Variants in CCDC175 observed in about 807,000 individuals in gnomAD.
CCDC175 encodes coiled-coil domain containing 175.
A neutral mutation model predicts 114.6 loss-of-function variants in CCDC175; 100 were observed. The ratio of observed to expected loss-of-function variants is 0.87; its 90% CI spans 0.74 to 1.03. The LOEUF (loss-of-function observed/expected upper bound fraction) is 1.03. CCDC175 is among the 50% of genes least tolerant of loss of function. The pLI is 0.00. For missense variants in CCDC175, 880 were observed against 917.8 expected, an observed-to-expected ratio of 0.96 and a Z score of 0.53; for synonymous variants, 306 against 308.7, an observed-to-expected ratio of 0.99 and a Z score of 0.09.
In CCDC175 at chr14:59,505,300, A is replaced by G; in HGVS notation, c.2321T>C (p.Ile774Thr). The stretch of plus-strand genomic sequence containing the variant: ...CACTGGGAAATGAACCCTTGTACGA[A>G]TGTGTTTCTTCTTCTCTGTAGGAAT... ...PMDLLKKKKH[I>T]RTRVHFPVVK... The change falls in exon 20 of 20, where the codon ATT (isoleucine) becomes ACT (threonine). Residue 774 changes from isoleucine to threonine, a missense_variant. Transcript: ENST00000537690. 1 of 1,497,916 alleles carries G rather than the reference A, an allele frequency of 6.7e-7. No individual in the cohort carries two copies. The highest frequency in any genetic ancestry group is 8.9e-7 in the Non-Finnish European group (1 of 1,119,854). 92.8% of individuals were successfully genotyped at this position (1,497,916 alleles called of 1,614,324 possible). A position where few individuals can be genotyped will look rare whatever the true frequency, so the allele number is the denominator to read the frequency against.
chr14:59,536,266 C>A (rs757296804), intron 13 of CCDC175, among the ~76,000 whole-genome samples: 2 of 152,070 alleles, frequency 1.3e-5, no homozygotes, highest in South Asian at 4.1e-4. Context: ...CCGGAGCCAT[C>A]TCCTGCAGAC....
intron 18 of CCDC175, among the ~76,000 whole-genome samples, chr14:59,511,462 G>A (rs1892737916): frequency 7.1e-6 from 1 of 141,576 alleles, no homozygotes; most frequent in Non-Finnish European, 1.5e-5. Flanking sequence ...TTTGGGGCAT[G>A]CAAAAAACAG....
At chr14:59,526,955 T>C (rs755565897) in intron 15 of CCDC175, 140 bp downstream of exon 15, 43 of 528,938 alleles carry the variant, frequency 8.1e-5, no homozygotes, top group Non-Finnish European at 1.0e-4. Flanking sequence ...ATAACAAAGA[T>C]TGTTAAACAT....
At chr14:59,516,462 C>T (rs1022343382) in intron 17 of CCDC175, among the ~76,000 whole-genome samples, 31 of 152,116 alleles carry the variant, frequency 2.0e-4, no homozygotes, top group Non-Finnish European at 3.4e-4. Flanking sequence ...ATCAAATAGA[C>T]GCAATAAAAA....
chr14:59,554,847 A>T (rs1040406076), intron 7 of CCDC175, among the ~76,000 whole-genome samples: 1 of 152,154 alleles, frequency 6.6e-6, no homozygotes, highest in Non-Finnish European at 1.5e-5. Context: ...CCTCTACGCA[A>T]ATAAACTAGA....
At chr14:59,563,089 G>A (rs187645681) in intron 6 of CCDC175, among the ~76,000 whole-genome samples, 450 of 152,260 alleles carry the variant, frequency 3.0e-3, no homozygotes, top group African/African-American at 0.01. Context: ...GTGATAAGAA[G>A]TTAACAGGCA....
chr14:59,568,090 C>G (rs953872610), intron 4 of CCDC175, among the ~76,000 whole-genome samples, 155 bp downstream of exon 4: 1 of 152,182 alleles, frequency 6.6e-6, no homozygotes, highest in Non-Finnish European at 1.5e-5. Flanking sequence ...CACCACCTTC[C>G]CTACCCCATC....
At chr14:59,523,419 T>C (rs1460248028) in intron 16 of CCDC175, among the ~76,000 whole-genome samples, 2 of 152,238 alleles carry the variant, frequency 1.3e-5, no homozygotes, top group African/African-American at 4.8e-5. Flanking sequence ...ATTTTCTTCA[T>C]GCCATTGGAC....
chr14:59,537,938 A>T, intron 13 of CCDC175, 85 bp downstream of exon 13: 1 of 887,266 alleles, frequency 1.1e-6, no homozygotes, highest in South Asian at 2.2e-5. Context: ...TTTACATTTA[A>T]CTGATTAGAA....
intron 14 of CCDC175, among the ~76,000 whole-genome samples, chr14:59,527,949 T>C (rs111876050): frequency 0.041 from 6,247 of 152,200 alleles, 165 homozygotes; most frequent in Non-Finnish European, 0.06. Context: ...CTTTGTATTA[T>C]TCTTATGTCG....
At chr14:59,537,969 C>G in intron 13 of CCDC175, 54 bp downstream of exon 13, 2 of 1,229,714 alleles carry the variant, frequency 1.6e-6, no homozygotes, top group Non-Finnish European at 2.2e-6. Context: ...TATTATTCCC[C>G]CTCCCCCTCA....
chr14:59,506,684 C>T (rs777576665), intron 19 of CCDC175, among the ~76,000 whole-genome samples: 55 of 152,158 alleles, frequency 3.6e-4, no homozygotes, highest in Non-Finnish European at 4.4e-5. Context: ...TTCCAAGAGA[C>T]AAGTACTAGG....
At chr14:59,555,113 A>G (rs1895799299) in intron 7 of CCDC175, among the ~76,000 whole-genome samples, 4 of 152,360 alleles carry the variant, frequency 2.6e-5, no homozygotes, top group Admixed American at 2.6e-4. Flanking sequence ...AACTCATTTT[A>G]TGAGGCCAGC....
At chr14:59,514,702 A>G (rs1179038856) in intron 17 of CCDC175, among the ~76,000 whole-genome samples, 2 of 152,240 alleles carry the variant, frequency 1.3e-5, no homozygotes. Flanking sequence ...GGTGTACCTG[A>G]AAGTGACAGG....
chr14:59,509,459 C>G (rs932667044), intron 19 of CCDC175, among the ~76,000 whole-genome samples: 1 of 152,198 alleles, frequency 6.6e-6, no homozygotes, highest in South Asian at 2.1e-4. Context: ...AAGCAATGCC[C>G]CAGAACACAG....
At chr14:59,563,394 A>G (rs1896335587) in intron 6 of CCDC175, among the ~76,000 whole-genome samples, 1 of 152,198 alleles carries the variant, frequency 6.6e-6, no homozygotes, top group Non-Finnish European at 1.5e-5. Flanking sequence ...GACTCAGCCC[A>G]TGGTTATTCA....
At chr14:59,525,159 G>A (rs1893671519) in intron 16 of CCDC175, 123 bp downstream of exon 16, 4 of 711,388 alleles carry the variant, frequency 5.6e-6, no homozygotes, top group Non-Finnish European at 8.2e-6. Context: ...GCACTTTTCT[G>A]TGTGTACTTT....
intron 13 of CCDC175, among the ~76,000 whole-genome samples, chr14:59,533,815 C>T (rs1365771906): frequency 2.0e-5 from 3 of 151,618 alleles, no homozygotes; most frequent in African/African-American, 4.8e-5. Context: ...GGTGAAACCC[C>T]GTCTCTACTA....
At chr14:59,551,471 G>T in intron 7 of CCDC175, 35 bp from the exon 8 acceptor site, 1 of 1,142,218 alleles carries the variant, frequency 8.8e-7, no homozygotes, top group Non-Finnish European at 1.2e-6. Context: ...ATTCATATAA[G>T]AACATACTTT....
Sources: allele counts gnomAD v4.1 joint callset (sites outside exome capture counted in the v4.1 genomes callset), GRCh38; gene constraint gnomAD v4.1.1; transcripts MANE v1.5; gene names NCBI Gene and HGNC (gene_info 2026-07-23, HGNC 2026-07-21).